The following MICAL3 variants were observed in gnomAD, a reference collection of about 807,000 sequenced individuals.
MICAL3 encodes the protein [F-actin]-monooxygenase MICAL3.
A neutral mutation model predicts 207.4 loss-of-function variants in MICAL3; 62 were observed. The ratio of observed to expected loss-of-function variants is 0.30; its 90% CI spans 0.24 to 0.37. The LOEUF (loss-of-function observed/expected upper bound fraction) is 0.37. Ranked by LOEUF, MICAL3 falls within the 10% of genes least tolerant of loss-of-function variation. MICAL3 has a pLI of 1.00. For missense variants in MICAL3, 2,368 were observed against 2,635.6 expected (o/e 0.90, Z 2.22); for synonymous variants, 1,077 against 1,069.3 (o/e 1.01, Z -0.14).
chr22:17,972,883 AG>A (rs1380763970), intron 1 of MICAL3, among the ~76,000 whole-genome samples: 1 of 152,260 alleles, frequency 6.6e-6, no homozygotes, highest in Non-Finnish European at 1.5e-5. Context: ...CAGCTTAAGT[AG>A]CCTTTGGCAC....
Position 17,832,062 on chromosome 22 carries a change from C to A in MICAL3, c.2847G>T (p.Glu949Asp). 6.3e-7 allele frequency: 1 copy of A among 1,590,986 alleles called. No homozygotes were observed. Among genetic ancestry groups the A allele is most frequent in the Non-Finnish European group, 8.6e-7 (1 of 1,168,674 alleles). Residue 949 changes from glutamate to aspartate, a missense_variant, in exon 21 of 32, where the codon GAG becomes GAT. Glu to Asp is a conservative substitution (Grantham distance 45). Transcript: ENST00000441493. ...EMEEEGEEEEEEPRLPPSDLG... is the reference protein window; with the variant it reads ...EMEEEGEEEEDEPRLPPSDLG... ...GGTCAGATGGGGGCAGGCGAGGCTC[C>A]TCCTCCTCCTCCTCTCCCTCCTCCT...
chr22:17,803,370 C>T (rs1174139483), intron 29 of MICAL3, among the ~76,000 whole-genome samples: 2 of 152,120 alleles, frequency 1.3e-5, no homozygotes, highest in Non-Finnish European at 2.9e-5. Flanking sequence ...AACGAGACCA[C>T]GACCCAGTGA....
intron 16 of MICAL3, chr22:17,876,739 T>TGGAGGTTAG (rs1246119858): frequency 7.5e-6 from 1 of 133,030 alleles, no homozygotes; most frequent in East Asian, 2.3e-4. Flanking sequence ...AGGGAGCTTA[T>TGGAGGTTAG]GGAGGTTAGG....
rs190670630 is a variant in MICAL3 at position 17,821,612 on chromosome 22, C to T, written c.3449-103G>A. On this transcript the variant is annotated intron_variant, in intron 24 of 31. Transcript: ENST00000441493. ...AGAGGGTGGAGGGGAGGGTAGAGGG[C>T]GAGTCGCTGAGTCGGCTCCCAGTTC... 2.5e-4 allele frequency: 231 copies of T among 936,958 alleles called. 2 individuals carry two copies. In the East Asian group the frequency reaches 4.7e-3, roughly 19 times the overall value. 58.0% of individuals were successfully genotyped at this position (936,958 alleles called of 1,614,324 possible).
At chr22:18,016,111 C>T (rs1569168312) in intron 1 of MICAL3, among the ~76,000 whole-genome samples, 1 of 152,072 alleles carries the variant, frequency 6.6e-6, no homozygotes, top group Non-Finnish European at 1.5e-5. Context: ...TTGCATTCCC[C>T]ACAAATGTTA....
chr22:17,858,418 T>C (rs1352201113), intron 19 of MICAL3: 15 of 977,888 alleles, frequency 1.5e-5, no homozygotes, highest in Non-Finnish European at 2.4e-6. Flanking sequence ...GGTTTTTGAG[T>C]CTAAAGGAGG....
intron 19 of MICAL3, among the ~76,000 whole-genome samples, chr22:17,859,366 G>A (rs1454300621): frequency 7.9e-5 from 12 of 152,152 alleles, no homozygotes; most frequent in Admixed American, 3.3e-4. Context: ...GTGCAGACTC[G>A]GGGCTGAGTG....
chr22:17,898,216 A>T (rs1369340270), intron 7 of MICAL3, among the ~76,000 whole-genome samples: 1 of 152,180 alleles, frequency 6.6e-6, no homozygotes, highest in East Asian at 1.9e-4. Flanking sequence ...GCAGATTTAA[A>T]TCTTCACCTT....
intron 20 of MICAL3, among the ~76,000 whole-genome samples, chr22:17,833,223 A>T (rs1159956730): frequency 6.6e-6 from 1 of 152,054 alleles, no homozygotes; most frequent in Non-Finnish European, 1.5e-5. Flanking sequence ...TACACGCAAA[A>T]CCCCAACATT....
chr22:17,835,390 G>A (rs559717908), intron 20 of MICAL3, among the ~76,000 whole-genome samples: 2 of 152,352 alleles, frequency 1.3e-5, no homozygotes, highest in South Asian at 4.1e-4. Context: ...GGACACAGAG[G>A]AACCCGGCAG....
At chr22:17,864,511 C>T in intron 19 of MICAL3, 8 of 1,432,540 alleles carry the variant, frequency 5.6e-6, no homozygotes, top group Non-Finnish European at 7.3e-6. Flanking sequence ...TTGGCCTCAC[C>T]AGGGCGGGTG....
chr22:17,870,394 T>C (rs1927600424), intron 17 of MICAL3, among the ~76,000 whole-genome samples: 1 of 152,198 alleles, frequency 6.6e-6, no homozygotes, highest in Non-Finnish European at 1.5e-5. Flanking sequence ...AGCCTTTCGC[T>C]GCACACACTC....
chr22:17,863,948 AGT>A, intron 19 of MICAL3: 1 of 985,446 alleles, frequency 1.0e-6, no homozygotes, highest in Non-Finnish European at 1.2e-6. Flanking sequence ...ACAAGAGGAA[AGT>A]GTGACAGACA....
At chr22:17,822,447 C>A (rs1221122578) in intron 23 of MICAL3, among the ~76,000 whole-genome samples, 1 of 152,242 alleles carries the variant, frequency 6.6e-6, no homozygotes, top group Admixed American at 6.5e-5. Context: ...ACATGATGGG[C>A]TGCGACAGAC....
chr22:17,948,940 T>C (rs968492241), intron 1 of MICAL3, among the ~76,000 whole-genome samples: 36 of 133,910 alleles, frequency 2.7e-4, no homozygotes, highest in African/African-American at 1.0e-3. Context: ...GCCAGCACGG[T>C]GGGTCGTGCC....
intron 1 of MICAL3, among the ~76,000 whole-genome samples, chr22:18,018,661 G>T (rs1336589926): frequency 6.6e-6 from 1 of 152,152 alleles, no homozygotes; most frequent in African/African-American, 2.4e-5. Flanking sequence ...GGCGGAGGTT[G>T]TAGTGAGTCA....
intron 16 of MICAL3, chr22:17,876,838 G>GAGAAGTTAT (rs1426142949): frequency 1.7e-5 from 1 of 58,888 alleles, no homozygotes; most frequent in African/African-American, 7.7e-5. Flanking sequence ...ATGGAGGTTA[G>GAGAAGTTAT]GGAGGTTAGG....
intron 1 of MICAL3, among the ~76,000 whole-genome samples, chr22:17,971,588 G>A (rs959025464): frequency 6.6e-6 from 1 of 152,096 alleles, no homozygotes; most frequent in Non-Finnish European, 1.5e-5. Flanking sequence ...AGCATACACA[G>A]GCACCAGACA....
In MICAL3 at chr22:17,842,071, G is replaced by T. The variant is rs2146074864; in HGVS notation, c.2606-54C>A. ...TGAGGTCCAACCACAGACGGGGCGT[G>T]GGGGTGGGGGCTGACACCCAGGCTG... is the stretch of plus-strand genomic sequence containing the variant. On this transcript the variant is annotated intron_variant, in intron 19 of 31. Coordinates refer to ENST00000441493, the MANE Select transcript of MICAL3 (RefSeq NM_015241.3). 6 of 1,530,218 alleles carry T rather than the reference G, an allele frequency of 3.9e-6. No homozygotes were observed. The East Asian group carries it at 1.2e-4, about 29-fold the overall frequency. 94.8% of individuals were successfully genotyped at this position (1,530,218 alleles called of 1,614,324 possible). A position where few individuals can be genotyped will look rare whatever the true frequency, so the allele number is the denominator to read the frequency against.
Sources: gnomAD v4.1 joint callset for allele counts (sites outside exome capture counted in the v4.1 genomes callset) on GRCh38, gnomAD v4.1.1 for gene constraint, MANE v1.5 for transcripts, NCBI Gene and HGNC (gene_info 2026-07-23, HGNC 2026-07-21) for gene names.